The following ACAN variants were observed in gnomAD, a reference collection of about 807,000 sequenced individuals.
ACAN encodes aggrecan.
Under a neutral mutation model 169.1 loss-of-function variants are expected in ACAN, and 47 were observed. The ratio of observed to expected loss-of-function variants is 0.28; its 90% CI spans 0.22 to 0.35. ACAN has a LOEUF of 0.35. ACAN is among the 10% of genes least tolerant of loss of function. The pLI, the probability that ACAN is intolerant of heterozygous loss-of-function variation, is 1.00. For synonymous variants in ACAN, 1,115 were observed against 1,112.2 expected (o/e 1.00, Z -0.05); for missense variants, 2,716 against 2,759.9 (o/e 0.98, Z 0.36).
chr15:88,850,849 C>T (rs1896913966), intron 10 of ACAN: 1 of 151,236 alleles, frequency 6.6e-6, no homozygotes, highest in South Asian at 2.1e-4. Flanking sequence ...GAGGCTGAGG[C>T]AGGAGAATCA....
At chr15:88,828,906 T>G (rs1896292350) in intron 1 of ACAN, among the ~76,000 whole-genome samples, 1 of 152,220 alleles carries the variant, frequency 6.6e-6, no homozygotes, top group South Asian at 2.1e-4. Context: ...CAGGTTTGTC[T>G]GCACTCACTA....
chr15:88,871,649 G>A lies in ACAN; in HGVS notation c.7219+109G>A, dbSNP rs1897382835. On this transcript the variant is annotated intron_variant, in intron 15 of 18. Transcript: ENST00000560601. The surrounding 1 kb of genome is among the most constrained non-coding windows in gnomAD (Gnocchi z 7.8). ...GGGCCTCGTGAGACTGCAGGACAGG[G>A]ACCTGGGGGAGGGGGAACAGTGTTC... is the stretch of plus-strand genomic sequence containing the variant. 1 of 1,385,116 alleles carries A rather than the reference G, an allele frequency of 7.2e-7. No homozygotes were observed. Among genetic ancestry groups the A allele is most frequent in the Non-Finnish European group, 9.7e-7 (1 of 1,033,158 alleles). The allele number at this position is 1,385,116 out of a possible 1,614,324, so 85.8% of individuals were successfully genotyped here.
rs960377828 is a variant in ACAN at position 88,825,135 on chromosome 15, C to T, written c.-7-11065C>T. ...GGTTGAGGGTTTGGGGAATAGTGAT[C>T]TGAGCAGGAGCAGGAGCGGATCACA... On this transcript the variant is annotated intron_variant, in intron 1 of 18. Transcript: ENST00000560601. Among the ~76,000 whole-genome samples, 16 of 152,126 alleles carry T rather than the reference C, an allele frequency of 1.1e-4. 1 individual carries two copies. Among genetic ancestry groups the T allele is most frequent in the Non-Finnish European group, 1.5e-5 (1 of 68,014 alleles).
chr15:88,830,117 G>T (rs1368370826), intron 1 of ACAN, among the ~76,000 whole-genome samples: 1 of 152,138 alleles, frequency 6.6e-6, no homozygotes, highest in Non-Finnish European at 1.5e-5. Flanking sequence ...GTGGACTCAC[G>T]CTGGGCCAGG....
chr15:88,868,434 C>T lies in ACAN; in HGVS notation c.7060+105C>T, dbSNP rs1400943054. 1.4e-5 allele frequency: 8 copies of T among 588,100 alleles called. No homozygotes were observed. Among genetic ancestry groups the T allele is most frequent in the East Asian group, 2.9e-5 (1 of 34,622 alleles). 36.4% of individuals were successfully genotyped at this position (588,100 alleles called of 1,614,324 possible). ...GGCTCCAGGCCCTGGCTGGGGCCCC[C>T]GAGGTTCATCTGGAGAGCCATTTCA... On this transcript the variant is annotated intron_variant, in intron 14 of 18. Transcript: ENST00000560601. The surrounding 1 kb of genome is among the most constrained non-coding windows in gnomAD (Gnocchi z 5.2).
intron 1 of ACAN, among the ~76,000 whole-genome samples, chr15:88,825,650 C>T (rs1567169017): frequency 1.3e-5 from 2 of 152,276 alleles, no homozygotes; most frequent in East Asian, 3.9e-4. Context: ...CCAACAGGTC[C>T]AAGTCAAAGA....
At chr15:88,828,173 GT>G (rs1896271536) in intron 1 of ACAN, among the ~76,000 whole-genome samples, 5 of 152,282 alleles carry the variant, frequency 3.3e-5, no homozygotes, top group Admixed American at 3.3e-4. Flanking sequence ...CTCAAGGAAG[GT>G]GGGAATAGGT....
intron 13 of ACAN, among the ~76,000 whole-genome samples, chr15:88,867,512 T>C (rs1371967739): frequency 6.6e-6 from 1 of 152,190 alleles, no homozygotes. Flanking sequence ...GGAGATTATA[T>C]GGGGAAATGT....
chr15:88,841,012 G>A (rs946273265), intron 4 of ACAN, among the ~76,000 whole-genome samples: 1 of 152,178 alleles, frequency 6.6e-6, no homozygotes, highest in Non-Finnish European at 1.5e-5. Context: ...AGGCGTGGTG[G>A]TGGGCTCCTG....
At chr15:88,846,746 A>G (rs970423624) in intron 7 of ACAN, among the ~76,000 whole-genome samples, 2 of 152,182 alleles carry the variant, frequency 1.3e-5, no homozygotes, top group Non-Finnish European at 2.9e-5. Flanking sequence ...CAAATACTAC[A>G]CTTGTATATC....
intron 1 of ACAN, among the ~76,000 whole-genome samples, chr15:88,810,667 A>G (rs1895799191): frequency 6.6e-6 from 1 of 152,194 alleles, no homozygotes; most frequent in African/African-American, 2.4e-5. Flanking sequence ...AGACACTGAA[A>G]AGGAGGCCTG....
At position 88,872,924 on chromosome 15, in the gene ACAN, C is replaced by A. The variant is rs1179618998; in HGVS notation, c.7346C>A (p.Ala2449Asp). 2 of 1,613,864 alleles carry A rather than the reference C, an allele frequency of 1.2e-6. No individual in the cohort carries two copies. The highest frequency in any genetic ancestry group is 2.2e-5 in the South Asian group (2 of 91,066). ...WRPNQPDNFF[A>D]AGEDCVVMIW... ...CCCAACCAGCCTGACAACTTTTTTG[C>A]CGCTGGAGAGGACTGTGTGGTGATG... The change falls in exon 17 of 19, where the codon GCC becomes GAC. Residue 2449 changes from alanine (A) to aspartate (D), a missense_variant. Physicochemically the swap from Ala to Asp is moderately radical, Grantham distance 126. Transcript: ENST00000560601. The surrounding 1 kb of genome is among the most constrained non-coding windows in gnomAD (Gnocchi z 5.4).
Position 88,857,626 on chromosome 15 carries a change from A to T in ACAN, c.5041A>T (p.Arg1681Trp), listed in dbSNP as rs1596146574. Residue 1681 changes from arginine to tryptophan, a missense_variant, in exon 12 of 19, where the codon AGG becomes TGG. Around this residue, in one of 3 missense-constraint regions of ACAN, gnomAD observed 1,389 missense variants for 1,363.7 expected, o/e 1.02. Coordinates refer to ENST00000560601, the MANE Select transcript of ACAN (RefSeq NM_001369268.1). Reference protein sequence around the residue: ...TASTASELEGRGTIGISGAGE... With the variant: ...TASTASELEGWGTIGISGAGE... ...CTCCACTGCAAGTGAACTGGAAGGG[A>T]GGGGAACCATTGGCATCAGTGGTGC... The T allele has an allele frequency of 6.2e-7, 1 of 1,613,966 alleles. No individual in the cohort carries two copies. Among genetic ancestry groups the T allele is most frequent in the Non-Finnish European group, 8.5e-7 (1 of 1,179,896 alleles).
chr15:88,848,204 C>G (rs1896842877), intron 9 of ACAN, among the ~76,000 whole-genome samples, 166 bp downstream of exon 9: 1 of 152,186 alleles, frequency 6.6e-6, no homozygotes, highest in African/African-American at 2.4e-5. Context: ...CCCCCAGCCC[C>G]TCCCTCAGAT....
chr15:88,838,963 G>A lies in ACAN; in HGVS notation c.371G>A (p.Arg124His), dbSNP rs757439227. 44 of 1,613,466 alleles carry A rather than the reference G, an allele frequency of 2.7e-5. 1 individual carries two copies. The highest frequency in any genetic ancestry group is 5.0e-5 in the Admixed American group (3 of 60,014). The change falls in exon 3 of 19, where the codon CGC becomes CAC. Residue 124 changes from arginine (R) to histidine (H), a missense_variant. Arg to His is a conservative substitution (Grantham distance 29, BLOSUM62 0). Coordinates refer to ENST00000560601, the MANE Select transcript of ACAN (RefSeq NM_001369268.1). This position sits in a 1 kb window ranked among gnomAD's most constrained non-coding sequence, Gnocchi z 5.1. ...GCCACCTTGGAAGTCCAGAGCCTGCGCTCCAATGACTCTGGGGTCTACCGC... is the reference window on the plus strand; with the variant it reads ...GCCACCTTGGAAGTCCAGAGCCTGCACTCCAATGACTCTGGGGTCTACCGC... ...SDATLEVQSL[R>H]SNDSGVYRCE...
Position 88,859,042 on chromosome 15 carries a change from A to T in ACAN, c.6457A>T (p.Thr2153Ser). The T allele has an allele frequency of 6.2e-7, 1 of 1,613,950 alleles. No individual in the cohort carries two copies. The highest frequency in any genetic ancestry group is 8.5e-7 in the Non-Finnish European group (1 of 1,179,884). Reference protein sequence around the residue: ...RSSGLGVSGSTLTFQEGEASA... With the variant: ...RSSGLGVSGSSLTFQEGEASA... ...CTCTGGCCTAGGAGTGAGCGGCAGC[A>T]CTTTGACATTTCAAGAAGGCGAGGC... The change falls in exon 12 of 19, where the codon ACT becomes TCT. Residue 2153 changes from threonine (T) to serine (S), a missense_variant. Around this residue, in one of 3 missense-constraint regions of ACAN, gnomAD observed 1,389 missense variants for 1,363.7 expected, o/e 1.02. Coordinates refer to ENST00000560601, the MANE Select transcript of ACAN (RefSeq NM_001369268.1).
At chr15:88,819,231 A>T (rs758571156) in intron 1 of ACAN, among the ~76,000 whole-genome samples, 3 of 152,192 alleles carry the variant, frequency 2.0e-5, no homozygotes, top group Non-Finnish European at 4.4e-5. Flanking sequence ...GGGCAACATC[A>T]TGTCAAGGTT....
intron 2 of ACAN, 91 bp downstream of exon 2, chr15:88,836,367 AG>A: frequency 8.7e-7 from 1 of 1,155,374 alleles, no homozygotes; most frequent in Non-Finnish European, 1.3e-6. Context: ...TACTGGTCCC[AG>A]GGATATAATT....
In ACAN at chr15:88,858,335, T is replaced by G. The variant is rs748839172; in HGVS notation, c.5750T>G (p.Leu1917Arg). The change falls in exon 12 of 19, where the codon CTG becomes CGG. Residue 1917 changes from leucine (L) to arginine (R), a missense_variant. Physicochemically the swap from Leu to Arg is moderately radical, Grantham distance 102. This residue lies in a region of ACAN where 1,389 missense variants were observed against 1,363.7 expected (regional missense o/e 1.02). Coordinates refer to ENST00000560601, the MANE Select transcript of ACAN (RefSeq NM_001369268.1). This position sits in a 1 kb window ranked among gnomAD's most constrained non-coding sequence, Gnocchi z 4.0. Reference protein sequence around the residue: ...ESSRAEIGSSLPSGAYYGSGT... With the variant: ...ESSRAEIGSSRPSGAYYGSGT... ...TCCAGAGCTGAGATTGGGAGCAGCC[T>G]GCCCTCGGGAGCATATTATGGCAGT... 2.7e-5 allele frequency: 43 copies of G among 1,613,998 alleles called. No homozygotes were observed. The highest frequency in any genetic ancestry group is 3.4e-5 in the Non-Finnish European group (40 of 1,179,898).
Sources: gnomAD v4.1 joint callset for allele counts (sites outside exome capture counted in the v4.1 genomes callset) on GRCh38, gnomAD v4.1.1 for gene constraint, gnomAD v4.1.1 regional missense constraint, Gnocchi (gnomAD v3.1) non-coding constraint, MANE v1.5 for transcripts, NCBI Gene and HGNC (gene_info 2026-07-23, HGNC 2026-07-21) for gene names.